Variants in SUPT6H observed in about 807,000 individuals in gnomAD.
SUPT6H encodes SPT6 homolog, histone chaperone and transcription elongation factor.
SUPT6H carries 11 observed loss-of-function variants against 222.3 expected under a neutral mutation model. That is an observed-to-expected ratio of 0.05 (90% CI 0.03 to 0.08). SUPT6H has a LOEUF of 0.08. SUPT6H is among the 10% of genes least tolerant of loss of function. The probability of loss-of-function intolerance (pLI) is 1.00; values close to 1 mark genes in which losing one functional copy is unlikely to be tolerated. For missense variants in SUPT6H, 1,422 were observed against 2,216.0 expected, an observed-to-expected ratio of 0.64 and a Z score of 7.19; for synonymous variants, 762 against 801.2, an observed-to-expected ratio of 0.95 and a Z score of 0.83.
intron 1 of SUPT6H, chr17:28,672,874 G>A (rs974165940): frequency 6.6e-6 from 1 of 152,410 alleles, no homozygotes; most frequent in Non-Finnish European, 1.5e-5. Context: ...TATGAGGCCG[G>A]GTGCGGTGGC....
Position 28,663,729 on chromosome 17 carries a change from A to G in SUPT6H, c.-32+1387A>G, listed in dbSNP as rs375552121. ...TCTCCAATTACCATGCCAATTTTTT[A>G]AATTTCCATTCATAGATTTCTACCT... On this transcript the variant is annotated intron_variant, in intron 1 of 36. Transcript: ENST00000314616. Among the ~76,000 whole-genome samples the G allele has an allele frequency of 2.6e-5, 4 of 151,478 alleles. No homozygotes were observed. The East Asian group carries it at 5.8e-4, about 22-fold the overall frequency.
intron 4 of SUPT6H, 158 bp from the exon 5 acceptor site, chr17:28,674,812 G>C (rs1262214539): frequency 9.6e-7 from 1 of 1,042,776 alleles, no homozygotes; most frequent in Non-Finnish European, 1.4e-6. Context: ...CAAGTTTCAA[G>C]GATGGGCTTT....
At chr17:28,700,132 A>G in intron 33 of SUPT6H, 41 bp from the exon 34 acceptor site, 1 of 1,613,370 alleles carries the variant, frequency 6.2e-7, no homozygotes, top group Non-Finnish European at 8.5e-7. Context: ...AACCAAAAAT[A>G]GGTTTCTGGA....
chr17:28,667,057 A>T (rs2030067911), intron 1 of SUPT6H, among the ~76,000 whole-genome samples: 1 of 151,892 alleles, frequency 6.6e-6, no homozygotes, highest in Admixed American at 6.6e-5. Flanking sequence ...TCACTTATGG[A>T]TACCTTTGGA....
Position 28,686,427 on chromosome 17 carries a change from T to A in SUPT6H, c.2564+12T>A, listed in dbSNP as rs2031383189. 2.5e-6 allele frequency: 4 copies of A among 1,613,472 alleles called. No individual in the cohort carries two copies. Among genetic ancestry groups the A allele is most frequent in the Non-Finnish European group, 3.4e-6 (4 of 1,179,394 alleles). On this transcript the variant is annotated intron_variant, in intron 20 of 36. Transcript: ENST00000314616. ...GCAGGAGAGAACAGGTAGGTAGGGA[T>A]TAGACCACACCTGGTTTAAGGCCGT...
intron 32 of SUPT6H, 30 bp downstream of exon 32, chr17:28,698,060 A>G (rs780870331): frequency 2.5e-6 from 4 of 1,596,922 alleles, no homozygotes. Context: ...AGGTGCTGCC[A>G]CTGGGGTTCA....
At chr17:28,693,662 G>A in intron 27 of SUPT6H, 34 bp from the exon 28 acceptor site, 2 of 1,613,276 alleles carry the variant, frequency 1.2e-6, no homozygotes, top group East Asian at 2.2e-5. Flanking sequence ...CCAGAATATT[G>A]ATAATCAAGC....
chr17:28,682,926 A>G lies in SUPT6H; in HGVS notation c.1728-16A>G. 6.2e-7 allele frequency: 1 copy of G among 1,611,686 alleles called. No homozygotes were observed. Among genetic ancestry groups the G allele is most frequent in the Non-Finnish European group, 8.5e-7 (1 of 1,178,460 alleles). ...CACAACACCCTGGTCCTGTAGCTGC[A>G]CCATTTTCCCCACAGCCAGTTCCCT... On this transcript the variant is annotated splice_polypyrimidine_tract_variant and intron_variant, in intron 14 of 36. Transcript: ENST00000314616.
At chr17:28,670,327 G>A (rs1368122817) in intron 1 of SUPT6H, 1 of 152,194 alleles carries the variant, frequency 6.6e-6, no homozygotes, top group Non-Finnish European at 1.5e-5. Context: ...CTCCTTGATA[G>A]GGACATAAAA....
intron 1 of SUPT6H, among the ~76,000 whole-genome samples, chr17:28,667,437 GTA>G (rs1316385646): frequency 3.0e-5 from 2 of 65,616 alleles, no homozygotes; most frequent in Admixed American, 1.8e-4. Context: ...ATATATATAT[GTA>G]TGTGTGTGTG....
At chr17:28,700,003 GCTGT>G in intron 33 of SUPT6H, 110 bp downstream of exon 33, 3 of 1,376,754 alleles carry the variant, frequency 2.2e-6, no homozygotes, top group South Asian at 2.4e-5. Flanking sequence ...TGTCACTGCA[GCTGT>G]CTTACTCCTC....
chr17:28,672,399 C>CT (rs1277332887), intron 1 of SUPT6H, among the ~76,000 whole-genome samples: 1 of 151,488 alleles, frequency 6.6e-6, no homozygotes, highest in African/African-American at 2.4e-5. Context: ...CCTTCTTTTT[C>CT]TTTTTTTCTT....
At chr17:28,678,405 T>C in intron 9 of SUPT6H, 140 bp from the exon 10 acceptor site, 1 of 920,808 alleles carries the variant, frequency 1.1e-6, no homozygotes, top group South Asian at 1.5e-5. Flanking sequence ...CACCAGGCCC[T>C]GGAAGGGCTG....
intron 31 of SUPT6H, 27 bp from the exon 32 acceptor site, chr17:28,697,879 A>C (rs2031990900): frequency 6.2e-7 from 1 of 1,612,188 alleles, no homozygotes; most frequent in Non-Finnish European, 8.5e-7. Context: ...CTGCTATCCC[A>C]ACCTCTCCCC....
chr17:28,697,332 T>A (rs947647738), intron 30 of SUPT6H, among the ~76,000 whole-genome samples: 1 of 152,202 alleles, frequency 6.6e-6, no homozygotes, highest in East Asian at 1.9e-4. Flanking sequence ...AAAATACACA[T>A]ATATACGCAC....
At chr17:28,675,547 G>A (rs2030695618) in intron 6 of SUPT6H, 62 bp downstream of exon 6, 2 of 1,570,344 alleles carry the variant, frequency 1.3e-6, no homozygotes, top group African/African-American at 2.7e-5. Context: ...CAGGAAGGAG[G>A]AGATCAGAGG....
chr17:28,694,802 G>A (rs185208856), intron 28 of SUPT6H, among the ~76,000 whole-genome samples: 8 of 152,224 alleles, frequency 5.3e-5, no homozygotes, highest in Non-Finnish European at 1.0e-4. Flanking sequence ...TCAGGAGTTC[G>A]AGACCAGCCT....
chr17:28,687,154 C>T lies in SUPT6H; in HGVS notation c.2767C>T (p.Pro923Ser). The change falls in exon 22 of 37, where the codon CCT becomes TCT. Residue 923 changes from proline to serine, a missense_variant. Around this residue, in one of 13 missense-constraint regions of SUPT6H, gnomAD observed 294 missense variants for 382.1 expected, o/e 0.77. Transcript: ENST00000314616. ...CTCCCTGGCCCGGCGCATCCAGGAC[C>T]CTCTGATTGAATTTGCCCAGGTGTG... is the stretch of plus-strand genomic sequence containing the variant. ...AVSLARRIQD[P>S]LIEFAQVCSS... is the part of the protein sequence containing the mutation. The T allele has an allele frequency of 3.7e-6, 6 of 1,614,098 alleles. No individual in the cohort carries two copies. The highest frequency in any genetic ancestry group is 5.1e-6 in the Non-Finnish European group (6 of 1,180,018).
Position 28,700,474 on chromosome 17 carries a change from G to A in SUPT6H, c.4768G>A (p.Gly1590Ser), listed in dbSNP as rs1223607378. The A allele has an allele frequency of 1.4e-5, 23 of 1,614,046 alleles. No homozygotes were observed. Among genetic ancestry groups the A allele is most frequent in the Non-Finnish European group, 1.7e-5 (20 of 1,180,034 alleles). Residue 1590 changes from glycine to serine, a missense_variant, in exon 35 of 37, where the codon GGC becomes AGC. By Grantham distance (56) the Gly-to-Ser change is moderately conservative. Transcript: ENST00000314616. ...TPAQWASSQY[G>S]YGGSGGGSSA... ...AGCCCAGTGGGCCTCCAGCCAGTAC[G>A]GCTATGGCGGCAGTGGAGGCGGCAG...
Sources: gnomAD v4.1 joint callset for allele counts (sites outside exome capture counted in the v4.1 genomes callset) on GRCh38, gnomAD v4.1.1 for gene constraint, gnomAD v4.1.1 regional missense constraint, MANE v1.5 for transcripts, NCBI Gene and HGNC (gene_info 2026-07-23, HGNC 2026-07-21) for gene names.